The following GOLGA1 variants were observed in gnomAD, a reference collection of about 807,000 sequenced individuals.
GOLGA1 encodes the protein golgin subfamily A member 1.
GOLGA1 carries 63 observed loss-of-function variants against 119.7 expected under a neutral mutation model. That is an observed-to-expected ratio of 0.53 (90% CI 0.43 to 0.65). The LOEUF is 0.65. Among genes scored for constraint, GOLGA1 ranks in the 30% least tolerant of loss-of-function variants. GOLGA1 has a pLI of 0.00. For synonymous variants in GOLGA1, 318 were observed against 333.4 expected (o/e 0.95, Z 0.50); for missense variants, 798 against 912.8 (o/e 0.87, Z 1.62).
rs1286245588 is a variant in GOLGA1 at position 124,922,270 on chromosome 9, C to T, written c.562-378G>A. Reference sequence around the variant, plus strand: ...AAAAAAGAAAAATACACTTAAATCTCGGCTGGATACGGTGGCTCACGCCTG... The same window carrying T: ...AAAAAAGAAAAATACACTTAAATCTTGGCTGGATACGGTGGCTCACGCCTG... On this transcript the variant is annotated intron_variant, in intron 8 of 22. Coordinates refer to ENST00000373555, the MANE Select transcript of GOLGA1 (RefSeq NM_002077.4). 2.8e-5 allele frequency among the ~76,000 whole-genome samples: 4 copies of T among 145,356 alleles called. No individual in the cohort carries two copies. The East Asian group carries it at 6.3e-4, about 23-fold the overall frequency.
intron 8 of GOLGA1, among the ~76,000 whole-genome samples, chr9:124,922,889 C>T (rs1288390901): frequency 6.6e-6 from 1 of 151,572 alleles, no homozygotes; most frequent in Non-Finnish European, 1.5e-5. Flanking sequence ...CAAAACAAAA[C>T]CCAAAACAAA....
chr9:124,889,565 G>A, intron 16 of GOLGA1, 29 bp from the exon 17 acceptor site: 1 of 1,424,894 alleles, frequency 7.0e-7, no homozygotes, highest in Non-Finnish European at 9.9e-7. Flanking sequence ...CAAGAGGGAA[G>A]GTTGTGAGCA....
chr9:124,894,377 GT>G (rs935277754), intron 15 of GOLGA1, among the ~76,000 whole-genome samples: 1 of 125,878 alleles, frequency 7.9e-6, no homozygotes, highest in Admixed American at 8.3e-5. Context: ...CTAATTTAAA[GT>G]TTTGTGTGTG....
rs373801957 is a variant in GOLGA1, at chr9:124,885,980, G to A, written c.1905+2273C>T. 3.1e-3 allele frequency among the ~76,000 whole-genome samples: 471 copies of A among 152,310 alleles called. 1 individual carries two copies. Among genetic ancestry groups the A allele is most frequent in the African/African-American group, 0.01 (435 of 41,548 alleles). On this transcript the variant is annotated intron_variant, in intron 19 of 22. Transcript: ENST00000373555. ...GGATTCTGGGAAATGTGTGAAGGGG[G>A]TGCTGAAGGAATCTGCTAACAGCCT...
intron 12 of GOLGA1, among the ~76,000 whole-genome samples, chr9:124,901,532 T>G (rs373097664): frequency 3.4e-5 from 5 of 145,050 alleles, no homozygotes; most frequent in Admixed American, 2.1e-4. Context: ...CCTCCTGGGT[T>G]CAAGTGATTC....
chr9:124,937,927 C>T (rs1830910060), intron 3 of GOLGA1, among the ~76,000 whole-genome samples: 1 of 150,706 alleles, frequency 6.6e-6, no homozygotes. Flanking sequence ...TACTAAAATA[C>T]AAAAAATTAG....
intron 19 of GOLGA1, among the ~76,000 whole-genome samples, chr9:124,886,622 G>A (rs1342982044): frequency 6.6e-6 from 1 of 152,104 alleles, no homozygotes; most frequent in African/African-American, 2.4e-5. Context: ...GGTGCAAGCC[G>A]AGGGCTTTCA....
At chr9:124,886,671 G>A (rs890790020) in intron 19 of GOLGA1, among the ~76,000 whole-genome samples, 1 of 152,080 alleles carries the variant, frequency 6.6e-6, no homozygotes, top group African/African-American at 2.4e-5. Flanking sequence ...CAGTAGATGG[G>A]ACGATTCCAA....
At position 124,899,789 on chromosome 9, in the gene GOLGA1, C is replaced by T. The variant is rs566840287; in HGVS notation, c.1162-311G>A. 2.1e-4 allele frequency among the ~76,000 whole-genome samples: 32 copies of T among 152,338 alleles called. 1 individual carries two copies. In the South Asian group the frequency reaches 5.6e-3, roughly 27 times the overall value. On this transcript the variant is annotated intron_variant, in intron 13 of 22. Transcript: ENST00000373555. The stretch of plus-strand genomic sequence containing the variant: ...GTGTTGCCTCAGTGGCTGCGGCTTT[C>T]CCTGGGGAGAAATTATACTGGGGAG...
chr9:124,932,625 T>C (rs904029353), intron 3 of GOLGA1, among the ~76,000 whole-genome samples: 1 of 152,222 alleles, frequency 6.6e-6, no homozygotes, highest in African/African-American at 2.4e-5. Flanking sequence ...GCCTGGCACA[T>C]ATTAGCTTTA....
chr9:124,929,933 G>A (rs1484740062), intron 4 of GOLGA1, among the ~76,000 whole-genome samples: 5 of 152,150 alleles, frequency 3.3e-5, no homozygotes, highest in African/African-American at 1.2e-4. Context: ...CCTTAGCTGG[G>A]GACCTTAAGC....
In GOLGA1 at chr9:124,878,681, C is replaced by T. The variant is rs1037914172; in HGVS notation, c.*1849G>A. The T allele has an allele frequency of 6.6e-6, 1 of 152,016 alleles. No homozygotes were observed. Among genetic ancestry groups the T allele is most frequent in the Non-Finnish European group, 1.5e-5 (1 of 68,046 alleles). 9.4% of individuals were successfully genotyped at this position (152,016 alleles called of 1,614,324 possible). A position where few individuals can be genotyped will look rare whatever the true frequency, so the allele number is the denominator to read the frequency against. ...CCTAGGAACGGGCCCCACAGCTACA[C>T]CTGAAACTGCCGAGGAGTGGGGCCT... On this transcript the variant is annotated 3_prime_UTR_variant, in exon 23 of 23. Coordinates refer to ENST00000373555, the MANE Select transcript of GOLGA1 (RefSeq NM_002077.4).
At chr9:124,882,164 G>A (rs1011360716) in intron 20 of GOLGA1, among the ~76,000 whole-genome samples, 2 of 152,268 alleles carry the variant, frequency 1.3e-5, no homozygotes, top group African/African-American at 4.8e-5. Context: ...AAGAACACAT[G>A]TCCCTGGGGC....
intron 19 of GOLGA1, among the ~76,000 whole-genome samples, chr9:124,884,493 A>C (rs1206656217): frequency 6.6e-6 from 1 of 152,148 alleles, no homozygotes; most frequent in Non-Finnish European, 1.5e-5. Flanking sequence ...ATGTGACAGG[A>C]ACTCCCGGGG....
chr9:124,934,881 T>G (rs970923550), intron 3 of GOLGA1, among the ~76,000 whole-genome samples: 1 of 152,054 alleles, frequency 6.6e-6, no homozygotes, highest in Non-Finnish European at 1.5e-5. Flanking sequence ...ACTCCGTCGC[T>G]ACAAAAAATA....
At chr9:124,885,151 A>G (rs985223342) in intron 19 of GOLGA1, among the ~76,000 whole-genome samples, 1 of 152,146 alleles carries the variant, frequency 6.6e-6, no homozygotes. Context: ...ACATGGTGAA[A>G]CCCCATCTCT....
chr9:124,900,582 A>G, intron 12 of GOLGA1, 35 bp from the exon 13 acceptor site: 1 of 1,016,892 alleles, frequency 9.8e-7, no homozygotes, highest in Non-Finnish European at 1.5e-6. Flanking sequence ...TTCTGTTCAC[A>G]AGAAGCTGAA....
intron 19 of GOLGA1, among the ~76,000 whole-genome samples, chr9:124,885,985 G>A (rs1588055584): frequency 6.6e-6 from 1 of 152,236 alleles, no homozygotes; most frequent in East Asian, 1.9e-4. Flanking sequence ...AGGGGGTGCT[G>A]AAGGAATCTG....
chr9:124,881,192 G>T lies in GOLGA1; in HGVS notation c.2202C>A (p.Leu734=). The part of the protein sequence containing the change: ...LNFSQEEENM[L]KETLEYKMSW... ...CTACCTTATATTCCAGAGTTTCCTTGAGCATGTTCTCCTCCTCTTGGGAAA... is the reference window on the plus strand; with the variant it reads ...CTACCTTATATTCCAGAGTTTCCTTTAGCATGTTCTCCTCCTCTTGGGAAA... The change falls in exon 22 of 23, where the codon CTC becomes CTA. Residue 734 remains leucine (L), a synonymous_variant. Transcript: ENST00000373555. This position sits in a 1 kb window ranked among gnomAD's most constrained non-coding sequence, Gnocchi z 4.9. The T allele has an allele frequency of 6.4e-7, 1 of 1,573,284 alleles. No individual in the cohort carries two copies. Among genetic ancestry groups the T allele is most frequent in the Non-Finnish European group, 8.8e-7 (1 of 1,142,580 alleles).
Sources: gnomAD v4.1 joint callset for allele counts (sites outside exome capture counted in the v4.1 genomes callset) on GRCh38, gnomAD v4.1.1 for gene constraint, Gnocchi (gnomAD v3.1) non-coding constraint, MANE v1.5 for transcripts, NCBI Gene and HGNC (gene_info 2026-07-23, HGNC 2026-07-21) for gene names.